C12orf42: variants seen among roughly 807,000 people sequenced by gnomAD.
The protein encoded by C12orf42 is chromosome 12 open reading frame 42.
C12orf42 carries 25 observed loss-of-function variants against 21.6 expected under a neutral mutation model. That is an observed-to-expected ratio of 1.16 (90% confidence interval 0.84 to 1.62). The LOEUF (loss-of-function observed/expected upper bound fraction) is 1.62, where lower values mean the gene tolerates loss of function less well. Among genes scored for constraint, C12orf42 ranks in the 40% most tolerant of loss-of-function variants. The probability of loss-of-function intolerance (pLI) is 0.00; values close to 1 mark genes in which losing one functional copy is unlikely to be tolerated. For missense variants in C12orf42, 483 were observed against 459.3 expected (o/e 1.05, Z -0.47); for synonymous variants, 174 against 175.0 (o/e 0.99, Z 0.05).
At chr12:103,200,481 C>T in the C12orf42 span, among the ~76,000 whole-genome samples, 1 of 152,008 alleles carries the variant, frequency 6.6e-6, no homozygotes, top group African/African-American at 2.4e-5. Context: ...ATATTGTGTT[C>T]TAATCACACA....
chr12:103,072,808 G>C, the C12orf42 span, among the ~76,000 whole-genome samples: 1 of 152,090 alleles, frequency 6.6e-6, no homozygotes, highest in Admixed American at 6.6e-5. Flanking sequence ...TTTCTGACTG[G>C]TGTGAGAGAG....
chr12:103,257,930 A>AT (rs2034694153), intron 10 of C12orf42, among the ~76,000 whole-genome samples: 2 of 152,014 alleles, frequency 1.3e-5, no homozygotes, highest in Admixed American at 6.5e-5. Context: ...ATTAATAAAG[A>AT]TTTTTTTAAA....
chr12:103,425,012 G>A (rs114447425), intron 2 of C12orf42, among the ~76,000 whole-genome samples: 1,645 of 152,262 alleles, frequency 0.011, 36 homozygotes, highest in African/African-American at 0.038. Flanking sequence ...AGGGGTGTCC[G>A]TCATTACTGA....
At chr12:103,321,955 T>C (rs1361957734) in intron 4 of C12orf42, among the ~76,000 whole-genome samples, 1 of 152,088 alleles carries the variant, frequency 6.6e-6, no homozygotes, top group African/African-American at 2.4e-5. Flanking sequence ...GCGTGGCACA[T>C]GTATACATAT....
chr12:103,156,995 T>C, the C12orf42 span, among the ~76,000 whole-genome samples: 1 of 152,180 alleles, frequency 6.6e-6, no homozygotes. Flanking sequence ...TATCCAGTAA[T>C]GGGATTACTG....
At chr12:103,512,167 C>G in the C12orf42 span, among the ~76,000 whole-genome samples, 1 of 152,104 alleles carries the variant, frequency 6.6e-6, no homozygotes, top group Non-Finnish European at 1.5e-5. Context: ...TATCTTGGTT[C>G]CCTTTAAGGA....
chr12:103,536,119 G>C, the C12orf42 span, among the ~76,000 whole-genome samples: 2 of 152,182 alleles, frequency 1.3e-5, no homozygotes, highest in Admixed American at 1.3e-4. Context: ...ATTGATAGTT[G>C]GTAGGTTGGT....
chr12:103,342,173 T>C (rs1473992574), intron 4 of C12orf42, among the ~76,000 whole-genome samples: 2 of 152,182 alleles, frequency 1.3e-5, no homozygotes, highest in Non-Finnish European at 1.5e-5. Context: ...ACCTCTGACA[T>C]AGGACAAAAC....
chr12:103,303,995 G>A (rs1956353503), intron 5 of C12orf42, among the ~76,000 whole-genome samples: 1 of 152,156 alleles, frequency 6.6e-6, no homozygotes, highest in African/African-American at 2.4e-5. Context: ...GACCTAGACA[G>A]GATATGCTTT....
At chr12:103,250,672 T>C (rs1374073717) in intron 10 of C12orf42, among the ~76,000 whole-genome samples, 5 of 152,182 alleles carry the variant, frequency 3.3e-5, no homozygotes, top group African/African-American at 7.2e-5. Context: ...ACTATTCCTG[T>C]AGATGTTGAC....
chr12:103,432,082 C>A (rs904455913), intron 2 of C12orf42, among the ~76,000 whole-genome samples: 2 of 152,192 alleles, frequency 1.3e-5, no homozygotes, highest in Non-Finnish European at 2.9e-5. Flanking sequence ...CCTTATTCTT[C>A]CCTTGGTGTG....
chr12:103,156,436 T>C, the C12orf42 span, among the ~76,000 whole-genome samples: 1 of 152,242 alleles, frequency 6.6e-6, no homozygotes, highest in East Asian at 1.9e-4. Context: ...GTTCTGATTG[T>C]AAAAATTCAC....
At chr12:103,462,110 T>G (rs1422477864) in intron 2 of C12orf42, among the ~76,000 whole-genome samples, 2 of 92,624 alleles carry the variant, frequency 2.2e-5, no homozygotes, top group African/African-American at 4.1e-5. Flanking sequence ...TTTTTTTTTT[T>G]TTTTTTTTTT....
chr12:103,186,967 T>A, the C12orf42 span, among the ~76,000 whole-genome samples: 1 of 152,202 alleles, frequency 6.6e-6, no homozygotes, highest in Non-Finnish European at 1.5e-5. Context: ...GTATTTCAGA[T>A]TATGCTTTGT....
chr12:103,446,620 C>T (rs1356957705), intron 2 of C12orf42, among the ~76,000 whole-genome samples: 2 of 151,756 alleles, frequency 1.3e-5, no homozygotes, highest in African/African-American at 2.4e-5. Flanking sequence ...GGAGACTCAA[C>T]TAAAACATAA....
the C12orf42 span, chr12:103,558,489 G>A: frequency 6.6e-6 from 1 of 152,198 alleles, no homozygotes; most frequent in Non-Finnish European, 1.5e-5. Context: ...ACCTGGCTCT[G>A]TGTGTGTCTA....
chr12:103,488,586 A>G (rs377456685), intron 1 of C12orf42, among the ~76,000 whole-genome samples: 172 of 152,322 alleles, frequency 1.1e-3, no homozygotes, highest in African/African-American at 3.7e-3. Flanking sequence ...TTTCACGTAC[A>G]CCAATCAAAC....
rs750295001 is a variant in C12orf42 at position 103,302,086 on chromosome 12, C to A, written c.*22G>T. ...TTGATTTGAAGATGGGCAGCACTCG[C>A]CGAACAATTCCCTCGCAGCGGTCAA... On this transcript the variant is annotated 3_prime_UTR_variant, in exon 6 of 6. Coordinates refer to ENST00000548883, the MANE Select transcript of C12orf42 (RefSeq NM_198521.5). 19 of 1,597,108 alleles carry A rather than the reference C, an allele frequency of 1.2e-5. No homozygotes were observed. The South Asian group carries it at 2.2e-4, about 18-fold the overall frequency.
chr12:103,135,155 A>G, the C12orf42 span, among the ~76,000 whole-genome samples: 5 of 152,158 alleles, frequency 3.3e-5, no homozygotes, highest in African/African-American at 1.2e-4. Flanking sequence ...GATCAAACAC[A>G]CAATTAAGAA....
Sources: gnomAD v4.1 joint callset for allele counts (sites outside exome capture counted in the v4.1 genomes callset) on GRCh38, gnomAD v4.1.1 for gene constraint, MANE v1.5 for transcripts, NCBI Gene and HGNC (gene_info 2026-07-23, HGNC 2026-07-21) for gene names.